CD247: variants seen among roughly 807,000 people sequenced by gnomAD.
The protein encoded by CD247 is T-cell surface glycoprotein CD3 zeta chain.
CD247 carries 13 observed loss-of-function variants against 30.0 expected under a neutral mutation model. The observed-to-expected ratio is 0.43, with a 90% CI of 0.28 to 0.69. CD247 has a LOEUF of 0.69. CD247 is among the 30% of genes least tolerant of loss of function. CD247 has a pLI of 0.16. For synonymous variants in CD247, 72 were observed against 80.0 expected, an observed-to-expected ratio of 0.90 and a Z score of 0.53; for missense variants, 193 against 212.6, an observed-to-expected ratio of 0.91 and a Z score of 0.57.
chr1:167,513,483 G>T (rs947924204), intron 1 of CD247, among the ~76,000 whole-genome samples: 4 of 152,248 alleles, frequency 2.6e-5, no homozygotes, highest in African/African-American at 9.6e-5. Flanking sequence ...TAAGAGAACA[G>T]AAAAATGTTG....
chr1:167,459,070 G>A (rs996150462), intron 1 of CD247, among the ~76,000 whole-genome samples: 2 of 151,568 alleles, frequency 1.3e-5, no homozygotes, highest in African/African-American at 4.8e-5. Flanking sequence ...GGGAGGGGGA[G>A]GTTGCGGTGA....
intron 4 of CD247, 23 bp downstream of exon 4, chr1:167,438,547 C>T (rs753554996): frequency 2.5e-6 from 4 of 1,595,120 alleles, no homozygotes; most frequent in Non-Finnish European, 3.4e-6. Context: ...CAGGAACACA[C>T]AGGAAGGTAG....
At chr1:167,501,856 G>A (rs561834738) in intron 1 of CD247, among the ~76,000 whole-genome samples, 1 of 152,380 alleles carries the variant, frequency 6.6e-6, no homozygotes, top group Non-Finnish European at 1.5e-5. Flanking sequence ...AGATGTCAGA[G>A]CTGGAGCAGA....
chr1:167,504,466 G>A (rs1001250901), intron 1 of CD247, among the ~76,000 whole-genome samples: 10 of 152,208 alleles, frequency 6.6e-5, no homozygotes, highest in Non-Finnish European at 1.2e-4. Flanking sequence ...TATTTCTGAC[G>A]ATGAAATGTA....
chr1:167,439,537 G>C, intron 2 of CD247, 137 bp from the exon 3 acceptor site: 1 of 758,316 alleles, frequency 1.3e-6, no homozygotes, highest in Non-Finnish European at 2.3e-6. Flanking sequence ...GCCTCCTGGG[G>C]CTGAGCCCTT....
At chr1:167,503,579 A>G (rs1458223869) in intron 1 of CD247, among the ~76,000 whole-genome samples, 1 of 152,252 alleles carries the variant, frequency 6.6e-6, no homozygotes, top group African/African-American at 2.4e-5. Flanking sequence ...CACTTAAACT[A>G]CTGTTTCCAA....
intron 1 of CD247, among the ~76,000 whole-genome samples, chr1:167,487,482 C>A (rs1330726401): frequency 6.6e-6 from 1 of 152,192 alleles, no homozygotes; most frequent in Non-Finnish European, 1.5e-5. Flanking sequence ...ACCCACACTG[C>A]CAGGGAGCAG....
At chr1:167,486,840 G>A (rs1056900360) in intron 1 of CD247, among the ~76,000 whole-genome samples, 1 of 152,230 alleles carries the variant, frequency 6.6e-6, no homozygotes, top group East Asian at 1.9e-4. Context: ...TTGGAAGACC[G>A]AGGTGGGTGG....
intron 1 of CD247, among the ~76,000 whole-genome samples, chr1:167,509,386 A>AAAAAG (rs1558033904): frequency 1.8e-4 from 27 of 151,016 alleles, no homozygotes; most frequent in South Asian, 4.2e-4. Flanking sequence ...AAAAAAAAAA[A>AAAAAG]AAAAGAAAAG....
chr1:167,455,045 G>T (rs926814572), intron 1 of CD247, among the ~76,000 whole-genome samples: 1 of 152,234 alleles, frequency 6.6e-6, no homozygotes, highest in Non-Finnish European at 1.5e-5. Context: ...GCCCCTCGGT[G>T]CCCGCGCCTG....
chr1:167,447,967 T>C (rs1467588), intron 1 of CD247, among the ~76,000 whole-genome samples: 3 of 35,064 alleles, frequency 8.6e-5, no homozygotes, highest in Non-Finnish European at 1.4e-4. Context: ...CAGCTATGGG[T>C]GGGGGGGTGG....
chr1:167,477,510 GA>G (rs1653799660), intron 1 of CD247, among the ~76,000 whole-genome samples: 2 of 152,128 alleles, frequency 1.3e-5, no homozygotes, highest in Non-Finnish European at 1.5e-5. Context: ...CACTGGCTGT[GA>G]AGTGTTTTTT....
chr1:167,492,796 G>C (rs1462684356), intron 1 of CD247, among the ~76,000 whole-genome samples: 2 of 151,974 alleles, frequency 1.3e-5, no homozygotes, highest in East Asian at 1.9e-4. Context: ...GTGTTCAGGG[G>C]CCCCCCCAGA....
At chr1:167,472,694 A>G (rs1040788379) in intron 1 of CD247, among the ~76,000 whole-genome samples, 2 of 152,144 alleles carry the variant, frequency 1.3e-5, no homozygotes, top group African/African-American at 4.8e-5. Flanking sequence ...GTTTTCTTTA[A>G]AGAAGTAAAA....
intron 1 of CD247, among the ~76,000 whole-genome samples, chr1:167,496,596 C>A (rs1654700176): frequency 6.6e-6 from 1 of 152,114 alleles, no homozygotes; most frequent in East Asian, 1.9e-4. Context: ...GAAGAAGGAA[C>A]CTAGACGATC....
intron 1 of CD247, among the ~76,000 whole-genome samples, chr1:167,487,611 G>A (rs1654269584): frequency 6.6e-6 from 1 of 152,198 alleles, no homozygotes; most frequent in African/African-American, 2.4e-5. Flanking sequence ...AGTCTATGAG[G>A]CAGGCACAAC....
At chr1:167,493,037 C>CTTTTTT (rs60850667) in intron 1 of CD247, among the ~76,000 whole-genome samples, 140 of 80,334 alleles carry the variant, frequency 1.7e-3, no homozygotes, top group Middle Eastern at 0.011. Context: ...AATTTTTCTC[C>CTTTTTT]TTTTTTTTTT....
At position 167,465,320 on chromosome 1, in the gene CD247, T is replaced by C. The variant is rs12740775; in HGVS notation, c.59-24553A>G. Among the ~76,000 whole-genome samples the C allele has an allele frequency of 3.0e-5, 4 of 131,818 alleles. No homozygotes were observed. The South Asian group carries it at 7.4e-4, about 24-fold the overall frequency. The allele number at this position is 131,818 out of a possible 152,430, so 86.5% of individuals were successfully genotyped here. On this transcript the variant is annotated intron_variant, in intron 1 of 7. Coordinates refer to ENST00000362089, the MANE Select transcript of CD247 (RefSeq NM_198053.3). ...ATGCCTTCCACCTTCCTTTTTTTTT[T>C]CTTTTTCTTTTTTTTTTTTTTTTTT...
rs1424012768 is a variant in CD247, at chr1:167,439,394, T to C, written c.169A>G (p.Arg57Gly). 1.2e-6 allele frequency: 2 copies of C among 1,613,986 alleles called. No homozygotes were observed. The highest frequency in any genetic ancestry group is 2.2e-5 in the East Asian group (1 of 44,884). The part of the protein sequence containing the change: ...TALFLRVKFS[R>G]SADAPAYQQG... The stretch of plus-strand genomic sequence containing the variant: ...TGGTACGCGGGGGCGTCTGCGCTCC[T>C]GCTGAACTGCAACACAGAAAGCAAA... Residue 57 changes from arginine (R) to glycine (G), a missense_variant, in exon 3 of 8, where the codon AGG becomes GGG. Physicochemically the swap from Arg to Gly is moderately radical, Grantham distance 125. Coordinates refer to ENST00000362089, the MANE Select transcript of CD247 (RefSeq NM_198053.3).
Sources: gnomAD v4.1 joint callset for allele counts (sites outside exome capture counted in the v4.1 genomes callset) on GRCh38, gnomAD v4.1.1 for gene constraint, MANE v1.5 for transcripts, NCBI Gene and HGNC (gene_info 2026-07-23, HGNC 2026-07-21) for gene names.